PWWP3A: variants seen among roughly 807,000 people sequenced by gnomAD.
PWWP3A encodes the protein PWWP domain-containing DNA repair factor 3A.
Under a neutral mutation model 79.0 loss-of-function variants are expected in PWWP3A, and 53 were observed. The observed-to-expected ratio is 0.67, with a 90% CI of 0.54 to 0.84. The LOEUF is 0.84. PWWP3A is among the 40% of genes least tolerant of loss of function. The pLI is 0.00. For synonymous variants in PWWP3A, 443 were observed against 394.4 expected, an observed-to-expected ratio of 1.12 and a Z score of -1.46; for missense variants, 973 against 948.0, an observed-to-expected ratio of 1.03 and a Z score of -0.35.
At chr19:1,364,145 C>G (rs1555770670) in intron 6 of PWWP3A, 1 of 493,870 alleles carries the variant, frequency 2.0e-6, no homozygotes, top group Non-Finnish European at 4.0e-6. Context: ...GCCACACACT[C>G]TTTAAAAGTG....
chr19:1,371,141 C>T lies in PWWP3A; in HGVS notation c.1986+63C>T, dbSNP rs145734825. The T allele has an allele frequency of 1.6e-3, 2,412 of 1,529,086 alleles. 7 individuals are homozygous for T. Among genetic ancestry groups the T allele is most frequent in the Non-Finnish European group, 1.9e-3 (2,193 of 1,133,442 alleles). 94.7% of individuals were successfully genotyped at this position (1,529,086 alleles called of 1,614,324 possible). On this transcript the variant is annotated intron_variant, in intron 12 of 13. Transcript: ENST00000591337. ...GGCCTGCGCTGGGATTTTGCAACTCCGCACGAGGAGGCTGCCACGGTCCTC... is the reference window on the plus strand; with the variant it reads ...GGCCTGCGCTGGGATTTTGCAACTCTGCACGAGGAGGCTGCCACGGTCCTC...
In PWWP3A at chr19:1,367,226, T is replaced by TA; in HGVS notation, c.1422+6_1422+7insA. The TA allele has an allele frequency of 6.2e-7, 1 of 1,611,486 alleles. No individual in the cohort carries two copies. The highest frequency in any genetic ancestry group is 8.5e-7 in the Non-Finnish European group (1 of 1,178,462). On this transcript the variant is annotated splice_region_variant and intron_variant, in intron 9 of 13. Transcript: ENST00000591337. ...AAGAGAAACAGACGCTTCTGGTAGG[T>TA]GGATGATGTTTTGTGCTTGCTTTAA...
At chr19:1,371,118 C>T (rs141975856) in intron 12 of PWWP3A, 40 bp downstream of exon 12, 43 of 1,546,014 alleles carry the variant, frequency 2.8e-5, no homozygotes, top group Non-Finnish European at 3.8e-5. Context: ...CAGGGAGGGG[C>T]CTGCGCTGGG....
chr19:1,377,743 G>A lies in PWWP3A; in HGVS notation c.*1167G>A, dbSNP rs1219428446. On this transcript the variant is annotated 3_prime_UTR_variant, in exon 14 of 14. Transcript: ENST00000591337. ...CATGTCCAGGGTTCCAGGGCCCGGT[G>A]GCCTGGGAGCTGCTTTCTCCCCACT... The A allele has an allele frequency of 6.6e-6, 1 of 152,478 alleles. No homozygotes were observed. The highest frequency in any genetic ancestry group is 1.5e-5 in the Non-Finnish European group (1 of 68,240). The allele number at this position is 152,478 out of a possible 1,614,324, so 9.4% of individuals were successfully genotyped here.
chr19:1,372,898 C>T, intron 12 of PWWP3A, 174 bp from the exon 13 acceptor site: 2 of 590,816 alleles, frequency 3.4e-6, no homozygotes, highest in Non-Finnish European at 6.1e-6. Context: ...AATTAAGAAA[C>T]ATCATTACAA....
intron 13 of PWWP3A, 61 bp downstream of exon 13, chr19:1,373,221 C>T (rs959857641): frequency 2.0e-6 from 3 of 1,474,256 alleles, no homozygotes; most frequent in African/African-American, 2.8e-5. Flanking sequence ...TTTCTATTTC[C>T]ACACCCACAG....
chr19:1,360,892 C>A lies in PWWP3A; in HGVS notation c.971C>A (p.Ala324Glu). ...VQLEPMAAGA[A>E]PSPGPGPGPR... ...CTGGAGCCCATGGCAGCAGGGGCCG[C>A]ACCATCCCCCGGGCCGGGGCCAGGG... is the stretch of plus-strand genomic sequence containing the variant. Residue 324 changes from alanine to glutamate, a missense_variant, in exon 5 of 14, where the codon GCA becomes GAA. By Grantham distance (107) the Ala-to-Glu change is moderately radical. Coordinates refer to ENST00000591337, the MANE Select transcript of PWWP3A (RefSeq NM_001369789.1). The surrounding 1 kb of genome is among the most constrained non-coding windows in gnomAD (Gnocchi z 4.4). 6.5e-7 allele frequency: 1 copy of A among 1,543,824 alleles called. No individual in the cohort carries two copies. The highest frequency in any genetic ancestry group is 8.7e-7 in the Non-Finnish European group (1 of 1,144,410).
At chr19:1,362,066 G>T in intron 5 of PWWP3A, 184 bp from the exon 6 acceptor site, 2 of 414,712 alleles carry the variant, frequency 4.8e-6, no homozygotes, top group South Asian at 4.0e-5. Flanking sequence ...CTTCCCTCTT[G>T]CGTTTTTCTT....
Position 1,366,227 on chromosome 19 carries a change from A to G in PWWP3A, c.1285-78A>G, listed in dbSNP as rs951697956. The G allele has an allele frequency of 6.3e-6, 9 of 1,439,438 alleles. No homozygotes were observed. In the Admixed American group the frequency reaches 1.4e-4, roughly 22 times the overall value. 89.2% of individuals were successfully genotyped at this position (1,439,438 alleles called of 1,614,324 possible). A position where few individuals can be genotyped will look rare whatever the true frequency, so the allele number is the denominator to read the frequency against. On this transcript the variant is annotated intron_variant, in intron 7 of 13. Transcript: ENST00000591337. ...GGGGTCAGCGCCTGTTAGATGTATC[A>G]TGTGATGTCACAAAAAAATATTTAA...
At chr19:1,363,828 A>G (rs1281120168) in intron 6 of PWWP3A, among the ~76,000 whole-genome samples, 2 of 152,090 alleles carry the variant, frequency 1.3e-5, no homozygotes, top group Admixed American at 6.5e-5. Context: ...TGGTTACTTC[A>G]TAGGCCTTTA....
intron 13 of PWWP3A, among the ~76,000 whole-genome samples, chr19:1,375,526 A>AGTTT (rs1422721702): frequency 1.8e-5 from 2 of 110,944 alleles, no homozygotes; most frequent in Non-Finnish European, 3.6e-5. Flanking sequence ...AAAATCATAT[A>AGTTT]ATTTATATAT....
intron 13 of PWWP3A, among the ~76,000 whole-genome samples, chr19:1,374,522 G>A (rs890943569): frequency 2.6e-5 from 4 of 152,138 alleles, no homozygotes; most frequent in African/African-American, 9.7e-5. Context: ...CTCTTCCCAA[G>A]GCTGTCCTCC....
chr19:1,364,412 GCTAA>G, intron 6 of PWWP3A, 93 bp from the exon 7 acceptor site: 4 of 858,702 alleles, frequency 4.7e-6, no homozygotes, highest in Admixed American at 2.5e-5. Context: ...ACAATATCGT[GCTAA>G]CTGTGTTTTC....
chr19:1,367,476 C>T (rs1269143418), intron 9 of PWWP3A, among the ~76,000 whole-genome samples: 1 of 152,184 alleles, frequency 6.6e-6, no homozygotes, highest in Non-Finnish European at 1.5e-5. Flanking sequence ...GGGGCTCCGG[C>T]GAGGACAGTT....
At chr19:1,355,561 T>C (rs1234025262) in intron 1 of PWWP3A, among the ~76,000 whole-genome samples, 1 of 131,128 alleles carries the variant, frequency 7.6e-6, no homozygotes, top group African/African-American at 2.9e-5. Flanking sequence ...TCGTTCTTGC[T>C]CCCTGAGCCC....
chr19:1,354,998 CGGCGGCGGCGGTGGCGGA>C lies in PWWP3A; in HGVS notation c.-201_-184del, dbSNP rs930951416. Reference sequence around the variant, plus strand: ...GCCCCGCGGGGAGCGGCGGCGGCGGCGGCGGCGGCGGTGGCGGAGGCGGTGAGCGCGGGCGGCGCGGAC... The same window carrying C: ...GCCCCGCGGGGAGCGGCGGCGGCGGCGGCGGTGAGCGCGGGCGGCGCGGAC... On this transcript the variant is annotated 5_prime_UTR_variant, in exon 1 of 14. Transcript: ENST00000591337. 1 of 149,628 alleles carries C rather than the reference CGGCGGCGGCGGTGGCGGA, an allele frequency of 6.7e-6. No homozygotes were observed. Among genetic ancestry groups the C allele is most frequent in the South Asian group, 1.8e-4 (1 of 5,682 alleles). 9.3% of individuals were successfully genotyped at this position (149,628 alleles called of 1,614,324 possible).
Position 1,358,178 on chromosome 19 carries a change from T to C in PWWP3A, c.144-216T>C. 8.1e-6 allele frequency: 4 copies of C among 491,618 alleles called. No homozygotes were observed. The South Asian group carries it at 1.5e-4, about 18-fold the overall frequency. The allele number at this position is 491,618 out of a possible 1,614,324, so 30.5% of individuals were successfully genotyped here. The stretch of plus-strand genomic sequence containing the variant: ...GCTTTTAAATCCAGCCAACCTTTTC[T>C]GTCTTAAAAGGAAAAAAAAAAAAAA... On this transcript the variant is annotated intron_variant, in intron 3 of 13. Transcript: ENST00000591337.
intron 3 of PWWP3A, chr19:1,357,399 C>CTT (rs66856576): frequency 0.4 from 51,486 of 127,742 alleles, 11,606 homozygotes; most frequent in Middle Eastern, 0.54. Context: ...GGGATATTTC[C>CTT]TTTTTTTTTT....
chr19:1,362,678 G>A (rs937631967), intron 6 of PWWP3A, among the ~76,000 whole-genome samples: 2 of 152,254 alleles, frequency 1.3e-5, no homozygotes, highest in African/African-American at 4.8e-5. Flanking sequence ...GAGCCGAGGG[G>A]CTGCGTCGCC....
Sources: gnomAD v4.1 joint callset for allele counts (sites outside exome capture counted in the v4.1 genomes callset) on GRCh38, gnomAD v4.1.1 for gene constraint, Gnocchi (gnomAD v3.1) non-coding constraint, MANE v1.5 for transcripts, NCBI Gene and HGNC (gene_info 2026-07-23, HGNC 2026-07-21) for gene names.